Variants in KIF6 observed in about 807,000 individuals in gnomAD.
The protein encoded by KIF6 is kinesin family member 6.
Under a neutral mutation model 112.7 loss-of-function variants are expected in KIF6, and 106 were observed. That is an observed-to-expected ratio of 0.94 (90% confidence interval 0.80 to 1.11). The LOEUF is 1.11. Ranked by LOEUF, KIF6 falls within the 50% of genes least tolerant of loss-of-function variation. KIF6 has a pLI of 0.00. For synonymous variants in KIF6, 339 were observed against 339.9 expected (o/e 1.00, Z 0.03); for missense variants, 929 against 964.0 (o/e 0.96, Z 0.48).
rs115078369 is a variant in KIF6, at chr6:39,717,341, C to T, written c.177-2575G>A. On this transcript the variant is annotated intron_variant, in intron 2 of 22. Transcript: ENST00000287152. Reference sequence around the variant, plus strand: ...TACTCTACTCCAGCCACATAGATCACTTTTTCTCAAACATGCCGGGCGTTC... The same window carrying T: ...TACTCTACTCCAGCCACATAGATCATTTTTTCTCAAACATGCCGGGCGTTC... Among the ~76,000 whole-genome samples, 1,251 of 152,248 alleles carry T rather than the reference C, an allele frequency of 8.2e-3. 7 individuals carry two copies. The highest frequency in any genetic ancestry group is 0.013 in the Non-Finnish European group (885 of 68,020).
At chr6:39,356,182 TTGAC>T (rs1562125245) in intron 19 of KIF6, among the ~76,000 whole-genome samples, 1 of 152,148 alleles carries the variant, frequency 6.6e-6, no homozygotes. Flanking sequence ...TCCTCATTCT[TTGAC>T]TGATGTTATG....
In KIF6 at chr6:39,338,772, C is replaced by T. The variant is rs1562104380; in HGVS notation, c.2429-2224G>A. Among the ~76,000 whole-genome samples the T allele has an allele frequency of 2.6e-5, 4 of 152,242 alleles. No individual in the cohort carries two copies. The South Asian group carries it at 6.2e-4, about 24-fold the overall frequency. On this transcript the variant is annotated intron_variant, in intron 22 of 22. Transcript: ENST00000287152. ...ACTGGCAGGGCAAGAGCTGGGGGCC[C>T]GTGGGCACGTGGCTGCTGATGAGAT...
intron 15 of KIF6, among the ~76,000 whole-genome samples, chr6:39,399,798 A>G (rs1037311856): frequency 6.6e-6 from 1 of 152,236 alleles, no homozygotes; most frequent in Non-Finnish European, 1.5e-5. Context: ...CTGCTCTCCA[A>G]GAAGCATTTC....
chr6:39,438,065 C>T (rs1242268386), intron 13 of KIF6, among the ~76,000 whole-genome samples: 1 of 152,096 alleles, frequency 6.6e-6, no homozygotes, highest in African/African-American at 2.4e-5. Flanking sequence ...GCAACTTCTG[C>T]CTCCTGGGTT....
chr6:39,611,003 A>T (rs887591971), intron 6 of KIF6, among the ~76,000 whole-genome samples: 7 of 152,192 alleles, frequency 4.6e-5, no homozygotes, highest in African/African-American at 1.7e-4. Flanking sequence ...TCAGTAAGTA[A>T]TAGGAAAAGA....
intron 19 of KIF6, among the ~76,000 whole-genome samples, chr6:39,346,881 T>A (rs1031314640): frequency 6.6e-5 from 10 of 152,160 alleles, no homozygotes; most frequent in African/African-American, 2.4e-4. Flanking sequence ...ACTCCTGACC[T>A]CAGGTGATCC....
chr6:39,387,146 C>G (rs1054096977), intron 15 of KIF6, among the ~76,000 whole-genome samples: 2 of 152,184 alleles, frequency 1.3e-5, no homozygotes, highest in Non-Finnish European at 2.9e-5. Context: ...CATTTCCCTT[C>G]TGACTTGTAT....
At chr6:39,494,663 A>G (rs936042876) in intron 13 of KIF6, among the ~76,000 whole-genome samples, 1 of 152,202 alleles carries the variant, frequency 6.6e-6, no homozygotes, top group African/African-American at 2.4e-5. Flanking sequence ...GAGAAAAACT[A>G]TTGTGATAAT....
chr6:39,399,830 A>G (rs1768552175), intron 15 of KIF6, among the ~76,000 whole-genome samples: 1 of 152,244 alleles, frequency 6.6e-6, no homozygotes, highest in Non-Finnish European at 1.5e-5. Flanking sequence ...AGCCTCCAAC[A>G]GTACCTTGTT....
Position 39,378,397 on chromosome 6 carries a change from C to T in KIF6, c.1861+7225G>A, listed in dbSNP as rs115677617. On this transcript the variant is annotated intron_variant, in intron 16 of 22. Transcript: ENST00000287152. The surrounding 1 kb of genome is among the most constrained non-coding windows in gnomAD (Gnocchi z 5.0). ...ACATACAATACATACAACATACCCA[C>T]ACTGCACACATACCACATATACACA... Among the ~76,000 whole-genome samples the T allele has an allele frequency of 0.016, 2,500 of 152,188 alleles. 71 individuals are homozygous for T. Among genetic ancestry groups the T allele is most frequent in the African/African-American group, 0.056 (2,331 of 41,524 alleles).
At chr6:39,586,165 T>A (rs540160604) in intron 8 of KIF6, 96 bp downstream of exon 8, 3 of 1,278,840 alleles carry the variant, frequency 2.3e-6, no homozygotes, top group Non-Finnish European at 3.3e-6. Context: ...CATACCCAGC[T>A]GAAAATGTAG....
chr6:39,587,511 ATC>A (rs984124902), intron 7 of KIF6, among the ~76,000 whole-genome samples: 2 of 151,908 alleles, frequency 1.3e-5, no homozygotes, highest in South Asian at 2.1e-4. Flanking sequence ...TCATCCTGTG[ATC>A]TCTCTCTCTC....
At chr6:39,389,089 A>C (rs748638491) in intron 15 of KIF6, among the ~76,000 whole-genome samples, 34 of 152,200 alleles carry the variant, frequency 2.2e-4, no homozygotes, top group Non-Finnish European at 4.0e-4. Flanking sequence ...GTGACCTTAA[A>C]TATGACCGCG....
At chr6:39,674,635 C>T (rs1464655840) in intron 3 of KIF6, among the ~76,000 whole-genome samples, 3 of 151,732 alleles carry the variant, frequency 2.0e-5, no homozygotes, top group African/African-American at 4.8e-5. Context: ...ACATCTGCAA[C>T]AGTTTCAAAG....
chr6:39,542,243 C>T (rs185465089), intron 12 of KIF6, among the ~76,000 whole-genome samples: 1 of 152,270 alleles, frequency 6.6e-6, no homozygotes, highest in East Asian at 1.9e-4. Flanking sequence ...TTCTGTGCTG[C>T]CTTCCTTCTT....
chr6:39,481,698 C>T (rs2150458298), intron 13 of KIF6, among the ~76,000 whole-genome samples: 1 of 152,290 alleles, frequency 6.6e-6, no homozygotes, highest in South Asian at 2.1e-4. Context: ...TTAATGTCCA[C>T]AATTGAGATC....
intron 15 of KIF6, among the ~76,000 whole-genome samples, chr6:39,403,529 A>T (rs1768865294): frequency 1.3e-5 from 2 of 152,068 alleles, no homozygotes; most frequent in South Asian, 4.1e-4. Context: ...TATTGTATGC[A>T]CTCTATTGAA....
At position 39,561,415 on chromosome 6, in the gene KIF6, G is replaced by T. The variant is rs900584322; in HGVS notation, c.1182-15727C>A. Among the ~76,000 whole-genome samples, 14 of 151,496 alleles carry T rather than the reference G, an allele frequency of 9.2e-5. 1 individual carries two copies. The highest frequency in any genetic ancestry group is 2.9e-4 in the African/African-American group (12 of 41,170). On this transcript the variant is annotated intron_variant, in intron 10 of 22. Coordinates refer to ENST00000287152, the MANE Select transcript of KIF6 (RefSeq NM_145027.6). ...CACCCAGGCTGGAGTGCGTTGGTAT[G>T]ATCTCGGCTCACTGCAACCTCCGCC...
chr6:39,431,999 G>C (rs998862037), intron 13 of KIF6, among the ~76,000 whole-genome samples: 3 of 151,776 alleles, frequency 2.0e-5, no homozygotes, highest in African/African-American at 7.3e-5. Context: ...TCCTTTGCCT[G>C]GGAGGCCTTT....
Sources: allele counts gnomAD v4.1 joint callset (sites outside exome capture counted in the v4.1 genomes callset), GRCh38; gene constraint gnomAD v4.1.1; non-coding constraint Gnocchi (gnomAD v3.1); transcripts MANE v1.5; gene names NCBI Gene and HGNC (gene_info 2026-07-23, HGNC 2026-07-21).